Variants in STON1 observed in about 807,000 individuals in gnomAD.
STON1 encodes the protein stonin-1.
STON1 carries 79 observed loss-of-function variants against 60.9 expected under a neutral mutation model. That is an observed-to-expected ratio of 1.30 (90% CI 1.08 to 1.56). The LOEUF (loss-of-function observed/expected upper bound fraction) is 1.56, where lower values mean the gene tolerates loss of function less well. Among genes scored for constraint, STON1 ranks in the 40% most tolerant of loss-of-function variants. The pLI is 0.00. For missense variants in STON1, 1,166 were observed against 858.9 expected, an observed-to-expected ratio of 1.36 and a Z score of -4.47; for synonymous variants, 363 against 306.9, an observed-to-expected ratio of 1.18 and a Z score of -1.91.
At chr2:48,579,159 A>T (rs556795449) in intron 1 of STON1, among the ~76,000 whole-genome samples, 119 of 151,430 alleles carry the variant, frequency 7.9e-4, no homozygotes, top group Middle Eastern at 3.4e-3. Context: ...GTGTGCCACC[A>T]TGCCCAGCTA....
chr2:48,547,532 G>A (rs776997056), intron 1 of STON1, among the ~76,000 whole-genome samples: 2 of 152,222 alleles, frequency 1.3e-5, no homozygotes, highest in Non-Finnish European at 2.9e-5. Flanking sequence ...CCATGGTCGT[G>A]CGGGGTCAAA....
Position 48,557,372 on chromosome 2 carries a change from C to T in STON1, c.-47-23215C>T, listed in dbSNP as rs55867503. 1.8e-4 allele frequency among the ~76,000 whole-genome samples: 18 copies of T among 100,076 alleles called. 1 individual carries two copies. Among genetic ancestry groups the T allele is most frequent in the Middle Eastern group, 0.01 (2 of 198 alleles). The allele number at this position is 100,076 out of a possible 152,430, so 65.7% of individuals were successfully genotyped here. On this transcript the variant is annotated intron_variant, in intron 1 of 3. Transcript: ENST00000404752. ...GCAGAGGCGCTCCCCACATCTCAGA[C>T]GATGGGCGGCCGAGCAGAGAGGCTC... is the stretch of plus-strand genomic sequence containing the variant.
At chr2:48,555,308 C>G (rs1387273051) in intron 1 of STON1, among the ~76,000 whole-genome samples, 1 of 63,344 alleles carries the variant, frequency 1.6e-5, no homozygotes, top group African/African-American at 5.6e-5. Context: ...GGCGGCTGGC[C>G]GGGCGGGGGG....
At chr2:48,567,683 G>A (rs960093754) in intron 1 of STON1, among the ~76,000 whole-genome samples, 1 of 152,298 alleles carries the variant, frequency 6.6e-6, no homozygotes, top group East Asian at 1.9e-4. Context: ...GATTACAGGC[G>A]TGAGCCACTG....
chr2:48,548,465 T>A (rs1201187550), intron 1 of STON1, among the ~76,000 whole-genome samples: 1 of 152,108 alleles, frequency 6.6e-6, no homozygotes, highest in Non-Finnish European at 1.5e-5. Flanking sequence ...GCTTTCTCTG[T>A]CTTTTGTTTC....
chr2:48,557,829 A>T (rs1278828818), intron 1 of STON1, among the ~76,000 whole-genome samples: 1 of 152,216 alleles, frequency 6.6e-6, no homozygotes, highest in Admixed American at 6.5e-5. Context: ...AGACTTAAAT[A>T]TTATTTTTTG....
chr2:48,570,843 GTTTTTTTTTTT>G lies in STON1; in HGVS notation c.-47-9726_-47-9716del, dbSNP rs70946811. ...ATCTTGATGTCTCAACTGTCTCTGAGTTTTTTTTTTTTTTTTTTTTTTTTTTTTGTCTTTCC... is the reference window on the plus strand; with the variant it reads ...ATCTTGATGTCTCAACTGTCTCTGAGTTTTTTTTTTTTTTTTTGTCTTTCC... On this transcript the variant is annotated intron_variant, in intron 1 of 3. Coordinates refer to ENST00000404752, the MANE Select transcript of STON1 (RefSeq NM_006873.4). Among the ~76,000 whole-genome samples, 29 of 77,118 alleles carry G rather than the reference GTTTTTTTTTTT, an allele frequency of 3.8e-4. No individual in the cohort carries two copies. The East Asian group carries it at 7.2e-3, about 19-fold the overall frequency. 50.6% of individuals were successfully genotyped at this position (77,118 alleles called of 152,430 possible).
At chr2:48,565,205 A>G (rs1254598043) in intron 1 of STON1, among the ~76,000 whole-genome samples, 2 of 150,870 alleles carry the variant, frequency 1.3e-5, no homozygotes, top group Non-Finnish European at 2.9e-5. Context: ...GGCGCCCGCC[A>G]CCACGCCCGG....
At chr2:48,559,911 ACT>A (rs1399547159) in intron 1 of STON1, among the ~76,000 whole-genome samples, 3 of 151,888 alleles carry the variant, frequency 2.0e-5, no homozygotes, top group South Asian at 2.1e-4. Context: ...ATCCTGGGTG[ACT>A]CTCTGTAGAT....
intron 2 of STON1, among the ~76,000 whole-genome samples, chr2:48,583,113 G>A (rs779045853): frequency 6.6e-6 from 1 of 152,130 alleles, no homozygotes; most frequent in South Asian, 2.1e-4. Context: ...TTTTGACATG[G>A]CATCTCACTC....
chr2:48,561,518 GAC>G (rs1672612700), intron 1 of STON1, among the ~76,000 whole-genome samples: 1 of 152,162 alleles, frequency 6.6e-6, no homozygotes, highest in African/African-American at 2.4e-5. Context: ...CTACGAAGCA[GAC>G]ACATACAGAA....
chr2:48,549,521 A>G (rs1242378289), intron 1 of STON1, among the ~76,000 whole-genome samples: 1 of 152,064 alleles, frequency 6.6e-6, no homozygotes, highest in African/African-American at 2.4e-5. Flanking sequence ...TGGTTCAAGA[A>G]GCATCCTAGG....
intron 1 of STON1, among the ~76,000 whole-genome samples, chr2:48,555,522 G>A (rs1319484518): frequency 1.3e-4 from 10 of 77,926 alleles, no homozygotes; most frequent in South Asian, 6.0e-4. Context: ...CCTCCCTCAC[G>A]GACGAGGCGG....
chr2:48,536,752 A>G (rs560742638), intron 1 of STON1, among the ~76,000 whole-genome samples: 5 of 152,322 alleles, frequency 3.3e-5, no homozygotes, highest in African/African-American at 1.2e-4. Context: ...CATTCAATTA[A>G]TACTGACATC....
rs1198903671 is a variant in STON1, at chr2:48,597,514, G to C, written c.*2212G>C. The C allele has an allele frequency of 2.0e-5, 3 of 152,236 alleles. No homozygotes were observed. The highest frequency in any genetic ancestry group is 7.2e-5 in the African/African-American group (3 of 41,444). 9.4% of individuals were successfully genotyped at this position (152,236 alleles called of 1,614,324 possible). On this transcript the variant is annotated 3_prime_UTR_variant, in exon 4 of 4. Transcript: ENST00000404752. ...TATTCAGCAAAGGGTTCACTTAGTT[G>C]CCCCTCATGCTTCACAGGTTGACTA...
intron 1 of STON1, among the ~76,000 whole-genome samples, chr2:48,544,631 T>C (rs181531651): frequency 2.0e-5 from 3 of 152,210 alleles, no homozygotes; most frequent in Non-Finnish European, 4.4e-5. Flanking sequence ...CTGCAACCTC[T>C]GCCTCCCAGG....
At chr2:48,561,000 C>T (rs1379672893) in intron 1 of STON1, among the ~76,000 whole-genome samples, 1 of 152,226 alleles carries the variant, frequency 6.6e-6, no homozygotes, top group Non-Finnish European at 1.5e-5. Context: ...TTCACCTTAG[C>T]TTTTTGTGTG....
At chr2:48,558,044 G>A (rs551546598) in intron 1 of STON1, among the ~76,000 whole-genome samples, 9 of 152,270 alleles carry the variant, frequency 5.9e-5, no homozygotes, top group African/African-American at 1.9e-4. Flanking sequence ...CCAATATGGA[G>A]AAACCCCATC....
At chr2:48,545,223 T>G (rs1019165687) in intron 1 of STON1, among the ~76,000 whole-genome samples, 1 of 152,186 alleles carries the variant, frequency 6.6e-6, no homozygotes, top group Non-Finnish European at 1.5e-5. Context: ...GAAATTGTTG[T>G]TTTAGGCATC....
Sources: gnomAD v4.1 joint callset for allele counts (sites outside exome capture counted in the v4.1 genomes callset) on GRCh38, gnomAD v4.1.1 for gene constraint, MANE v1.5 for transcripts, NCBI Gene and HGNC (gene_info 2026-07-23, HGNC 2026-07-21) for gene names.